COX7B2: variants seen among roughly 807,000 people sequenced by gnomAD.
COX7B2 encodes cytochrome c oxidase subunit 7B2, also known as cytochrome c oxidase subunit 7B2, mitochondrial.
For missense variants in COX7B2, 109 were observed against 95.9 expected, an observed-to-expected ratio of 1.14 and a Z score of -0.57; for synonymous variants, 37 against 32.1, an observed-to-expected ratio of 1.15 and a Z score of -0.51.
At chr4:46,762,761 A>C (rs942036332) in intron 2 of COX7B2, among the ~76,000 whole-genome samples, 2 of 147,858 alleles carry the variant, frequency 1.4e-5, no homozygotes, top group Admixed American at 7.0e-5. Flanking sequence ...TTAGACTACA[A>C]TAGATGTTAT....
intron 1 of COX7B2, among the ~76,000 whole-genome samples, chr4:46,871,743 AC>A (rs1474590560): frequency 6.6e-6 from 1 of 152,160 alleles, no homozygotes; most frequent in African/African-American, 2.4e-5. Flanking sequence ...GCTCCATGTA[AC>A]TTATCATTAG....
intron 1 of COX7B2, among the ~76,000 whole-genome samples, chr4:46,890,778 C>G (rs1761478037): frequency 6.6e-6 from 1 of 152,136 alleles, no homozygotes; most frequent in South Asian, 2.1e-4. Flanking sequence ...AGGAAAGATA[C>G]AGTAGTCTGG....
At chr4:46,834,157 T>C (rs1420426967) in intron 2 of COX7B2, among the ~76,000 whole-genome samples, 1 of 152,164 alleles carries the variant, frequency 6.6e-6, no homozygotes, top group Non-Finnish European at 1.5e-5. Context: ...ATAGAAACAC[T>C]AAGCATAAAG....
chr4:46,783,090 T>A (rs1421101922), intron 2 of COX7B2, among the ~76,000 whole-genome samples: 1 of 152,204 alleles, frequency 6.6e-6, no homozygotes, highest in African/African-American at 2.4e-5. Context: ...CCACTAAAAA[T>A]GGGGTACATG....
chr4:46,816,672 CACAG>C, intron 2 of COX7B2, among the ~76,000 whole-genome samples: 1 of 152,002 alleles, frequency 6.6e-6, no homozygotes, highest in Non-Finnish European at 1.5e-5. Flanking sequence ...GATGCTTTTC[CACAG>C]GCAGAAAAAC....
intron 1 of COX7B2, among the ~76,000 whole-genome samples, chr4:46,860,885 A>C (rs141548289): frequency 1.3e-5 from 2 of 152,082 alleles, no homozygotes; most frequent in Non-Finnish European, 2.9e-5. Context: ...TTTGGCCCCA[A>C]CGTGGTCTTT....
chr4:46,858,125 T>A (rs1191624672), intron 1 of COX7B2, among the ~76,000 whole-genome samples: 1 of 152,098 alleles, frequency 6.6e-6, no homozygotes, highest in Admixed American at 6.6e-5. Context: ...AGATGGAATC[T>A]CACTCTAACC....
Position 46,782,043 on chromosome 4 carries a change from G to A in COX7B2, c.-49-46802C>T, listed in dbSNP as rs571232589. On this transcript the variant is annotated intron_variant, in intron 2 of 2. Coordinates refer to ENST00000355591, the MANE Select transcript of COX7B2 (RefSeq NM_130902.3). ...TGACCTCCCAAGGGCTGAGGAGTAC[G>A]GGCACGTGGCGCGGACTGGTGGGCA... 9.8e-5 allele frequency among the ~76,000 whole-genome samples: 15 copies of A among 152,292 alleles called. No homozygotes were observed. In the South Asian group the frequency reaches 1.9e-3, roughly 19 times the overall value.
chr4:46,901,440 G>C (rs148351947), intron 1 of COX7B2, among the ~76,000 whole-genome samples: 14 of 152,286 alleles, frequency 9.2e-5, no homozygotes, highest in Non-Finnish European at 1.8e-4. Flanking sequence ...ACAATTTAGC[G>C]ATACAAAGGA....
At chr4:46,850,292 G>A (rs1342623057) in intron 1 of COX7B2, among the ~76,000 whole-genome samples, 2 of 151,648 alleles carry the variant, frequency 1.3e-5, no homozygotes, top group Non-Finnish European at 2.9e-5. Flanking sequence ...TTAAAAATGA[G>A]ATACTGGATT....
chr4:46,780,178 A>T (rs1384994013), intron 2 of COX7B2, among the ~76,000 whole-genome samples: 2 of 152,194 alleles, frequency 1.3e-5, no homozygotes, highest in Non-Finnish European at 2.9e-5. Context: ...TAGATCCAGT[A>T]ATCAAACTCA....
chr4:46,735,008 C>A lies in COX7B2; in HGVS notation c.185G>T (p.Gly62Val). 6.2e-7 allele frequency: 1 copy of A among 1,614,070 alleles called. No individual in the cohort carries two copies. Reference protein sequence around the residue: ...ATWVFTATQIGIEWNLSPVGR... With the variant: ...ATWVFTATQIVIEWNLSPVGR... ...AACAGGGGATAGGTTCCATTCTATT[C>A]CAATCTGAGTGGCTGTAAACACCCA... Residue 62 changes from glycine to valine, a missense_variant, in exon 3 of 3, where the codon GGA becomes GTA. Transcript: ENST00000355591.
intron 2 of COX7B2, among the ~76,000 whole-genome samples, chr4:46,798,503 A>G (rs1236090599): frequency 2.0e-5 from 3 of 152,192 alleles, no homozygotes. Context: ...AGAGATAGAA[A>G]TGCCATTTGG....
At chr4:46,813,672 T>C (rs568734363) in intron 2 of COX7B2, among the ~76,000 whole-genome samples, 1 of 152,224 alleles carries the variant, frequency 6.6e-6, no homozygotes, top group South Asian at 2.1e-4. Flanking sequence ...TGTATACCTA[T>C]GTAACAAATC....
intron 2 of COX7B2, among the ~76,000 whole-genome samples, chr4:46,758,262 AATGAG>A (rs1715916173): frequency 7.8e-6 from 1 of 128,768 alleles, no homozygotes; most frequent in East Asian, 2.7e-4. Flanking sequence ...GCTACTTTCT[AATGAG>A]GTATAGAGCT....
At chr4:46,866,102 G>A (rs1717646900) in intron 1 of COX7B2, among the ~76,000 whole-genome samples, 1 of 152,152 alleles carries the variant, frequency 6.6e-6, no homozygotes, top group Non-Finnish European at 1.5e-5. Flanking sequence ...CAAGTCCCAA[G>A]GCTGCACTAA....
At chr4:46,799,615 A>T (rs1029894480) in intron 2 of COX7B2, among the ~76,000 whole-genome samples, 1 of 152,152 alleles carries the variant, frequency 6.6e-6, no homozygotes, top group Non-Finnish European at 1.5e-5. Context: ...GGAGATAATT[A>T]GATGGTTTTT....
At chr4:46,903,013 C>A (rs1465941423) in intron 1 of COX7B2, among the ~76,000 whole-genome samples, 2 of 152,134 alleles carry the variant, frequency 1.3e-5, no homozygotes, top group African/African-American at 2.4e-5. Flanking sequence ...CAGGGTCCTG[C>A]AATGAGATCA....
intron 2 of COX7B2, among the ~76,000 whole-genome samples, chr4:46,807,080 T>G (rs1485290918): frequency 6.6e-6 from 1 of 151,592 alleles, no homozygotes; most frequent in African/African-American, 2.4e-5. Context: ...TTTAAATTTT[T>G]TTAGAAACCT....
Sources: gnomAD v4.1 joint callset for allele counts (sites outside exome capture counted in the v4.1 genomes callset) on GRCh38, gnomAD v4.1.1 for gene constraint, MANE v1.5 for transcripts, NCBI Gene and HGNC (gene_info 2026-07-23, HGNC 2026-07-21) for gene names.